ERCC6L2: variants seen among roughly 807,000 people sequenced by gnomAD.
ERCC6L2 encodes ERCC excision repair 6 like 2.
ERCC6L2 carries 77 observed loss-of-function variants against 132.0 expected under a neutral mutation model. That is an observed-to-expected ratio of 0.58 (90% CI 0.49 to 0.71). ERCC6L2 has a LOEUF of 0.71. ERCC6L2 is among the 30% of genes least tolerant of loss of function. The pLI, the probability that ERCC6L2 is intolerant of heterozygous loss-of-function variation, is 0.00. For synonymous variants in ERCC6L2, 583 were observed against 632.4 expected (o/e 0.92, Z 1.17); for missense variants, 1,542 against 1,837.6 (o/e 0.84, Z 2.94).
At chr9:95,886,559 T>G (rs1298395833) in intron 2 of ERCC6L2, among the ~76,000 whole-genome samples, 3 of 152,162 alleles carry the variant, frequency 2.0e-5, no homozygotes, top group Non-Finnish European at 4.4e-5. Flanking sequence ...AATAATACAG[T>G]TAATTAAAAG....
chr9:95,941,321 TCAC>T, intron 11 of ERCC6L2, 130 bp from the exon 12 acceptor site: 1 of 562,104 alleles, frequency 1.8e-6, no homozygotes. Context: ...TGTATTTTAA[TCAC>T]CACCTTACTT....
chr9:95,960,167 T>A (rs1299472143), intron 13 of ERCC6L2, among the ~76,000 whole-genome samples: 2 of 152,090 alleles, frequency 1.3e-5, no homozygotes, highest in Admixed American at 6.6e-5. Flanking sequence ...AGAAAGTCCC[T>A]CCTGTTGCCC....
At chr9:95,905,836 T>G (rs1177493861) in intron 3 of ERCC6L2, among the ~76,000 whole-genome samples, 1 of 152,216 alleles carries the variant, frequency 6.6e-6, no homozygotes, top group Non-Finnish European at 1.5e-5. Context: ...GAGCAGAATT[T>G]AGAGCAGTAT....
At chr9:95,929,076 G>T in intron 11 of ERCC6L2, 1 of 346,104 alleles carries the variant, frequency 2.9e-6, no homozygotes. Context: ...TAGAAGTCTG[G>T]GTTTATAAAG....
chr9:95,898,384 A>G (rs1251858739), intron 3 of ERCC6L2, among the ~76,000 whole-genome samples: 1 of 152,136 alleles, frequency 6.6e-6, no homozygotes, highest in East Asian at 1.9e-4. Context: ...TCATTGACTT[A>G]TTTCAAGTTG....
chr9:95,958,997 T>C (rs1587979196), intron 13 of ERCC6L2, among the ~76,000 whole-genome samples: 1 of 151,526 alleles, frequency 6.6e-6, no homozygotes, highest in South Asian at 2.1e-4. Context: ...AAGCTACCAA[T>C]GACTTTCTTC....
In ERCC6L2 at chr9:96,026,428, T is replaced by G. The variant is rs1317630950; in HGVS notation, c.*1504-12448T>G. Among the ~76,000 whole-genome samples the G allele has an allele frequency of 2.0e-5, 3 of 151,848 alleles. No homozygotes were observed. The East Asian group carries it at 5.8e-4, about 29-fold the overall frequency. ...CTCAGTGAGCCCCGGAGCGCCGCAG[T>G]GGGGCGGGGGTGGGGGAAGCGCGGG... On this transcript the variant is annotated intron_variant and NMD_transcript_variant, in intron 19 of 20. Transcript: ENST00000670016.
intron 19 of ERCC6L2, among the ~76,000 whole-genome samples, chr9:96,024,516 G>T (rs111347198): frequency 6.6e-6 from 1 of 152,210 alleles, no homozygotes; most frequent in Admixed American, 6.5e-5. Context: ...CCTCTCCAGC[G>T]GTCTCTTTCT....
rs1188823346 is a variant in ERCC6L2 at position 95,876,159 on chromosome 9, C to T, written c.46+75C>T. 5.6e-6 allele frequency: 8 copies of T among 1,433,266 alleles called. No individual in the cohort carries two copies. The East Asian group carries it at 1.0e-4, about 18-fold the overall frequency. 88.8% of individuals were successfully genotyped at this position (1,433,266 alleles called of 1,614,324 possible). A position where few individuals can be genotyped will look rare whatever the true frequency, so the allele number is the denominator to read the frequency against. Reference sequence around the variant, plus strand: ...CGTTGGACCAGTTCTTGCCGGTGCCCTTCGGGTTGGGGTTTTGCCCTGTAG... The same window carrying T: ...CGTTGGACCAGTTCTTGCCGGTGCCTTTCGGGTTGGGGTTTTGCCCTGTAG... On this transcript the variant is annotated intron_variant, in intron 1 of 18. Transcript: ENST00000653738.
chr9:95,949,430 GC>G (rs1374975275), intron 12 of ERCC6L2, among the ~76,000 whole-genome samples: 1 of 152,112 alleles, frequency 6.6e-6, no homozygotes, highest in Non-Finnish European at 1.5e-5. Context: ...CACAAAGAGA[GC>G]ATCTTGAAAG....
At chr9:95,929,743 C>T (rs550693877) in intron 11 of ERCC6L2, among the ~76,000 whole-genome samples, 27 of 152,238 alleles carry the variant, frequency 1.8e-4, no homozygotes, top group Non-Finnish European at 2.8e-4. Context: ...TTTTTTCATG[C>T]GTCCTTACAT....
chr9:95,907,845 A>ACACACACACACCCCCACACC (rs1829135944), intron 4 of ERCC6L2, among the ~76,000 whole-genome samples: 1 of 150,016 alleles, frequency 6.7e-6, no homozygotes, highest in Non-Finnish European at 1.5e-5. Flanking sequence ...ACACACACAC[A>ACACACACACACCCCCACACC]CACACACACA....
intron 2 of ERCC6L2, among the ~76,000 whole-genome samples, chr9:95,888,759 G>A (rs1828007765): frequency 6.6e-6 from 1 of 152,170 alleles, no homozygotes; most frequent in Non-Finnish European, 1.5e-5. Flanking sequence ...AATAAGGGTA[G>A]AAGTGATGAG....
chr9:95,991,225 G>A (rs1833289510), intron 17 of ERCC6L2, among the ~76,000 whole-genome samples: 1 of 152,130 alleles, frequency 6.6e-6, no homozygotes, highest in Non-Finnish European at 1.5e-5. Context: ...GAGCTTAAGG[G>A]TGGGGTTTAG....
Position 96,015,400 on chromosome 9 carries a change from C to T in ERCC6L2, c.*2197C>T, listed in dbSNP as rs1025802799. On this transcript the variant is annotated 3_prime_UTR_variant, in exon 19 of 19. Coordinates refer to ENST00000653738, the MANE Select transcript of ERCC6L2 (RefSeq NM_020207.7). ...ATGGGGTTTCACCATGTTGGCCAGGCTGGTCTCAATCTCCTGGCTGCAAGC... is the reference window on the plus strand; with the variant it reads ...ATGGGGTTTCACCATGTTGGCCAGGTTGGTCTCAATCTCCTGGCTGCAAGC... Among the ~76,000 whole-genome samples the T allele has an allele frequency of 1.3e-5, 2 of 151,804 alleles. No homozygotes were observed. The highest frequency in any genetic ancestry group is 2.9e-5 in the Non-Finnish European group (2 of 67,914).
chr9:95,893,756 C>T (rs1169121502), intron 2 of ERCC6L2, among the ~76,000 whole-genome samples: 1 of 151,878 alleles, frequency 6.6e-6, no homozygotes, highest in Admixed American at 6.5e-5. Context: ...TTTTTGTTTG[C>T]CTTTTCTCTA....
intron 17 of ERCC6L2, among the ~76,000 whole-genome samples, chr9:96,004,114 C>T (rs968601400): frequency 6.6e-6 from 1 of 152,094 alleles, no homozygotes; most frequent in Non-Finnish European, 1.5e-5. Flanking sequence ...TTACATGTCT[C>T]CATTAATGAA....
intron 11 of ERCC6L2, among the ~76,000 whole-genome samples, chr9:95,932,339 T>C (rs62562969): frequency 0.12 from 18,398 of 152,152 alleles, 1,243 homozygotes; most frequent in African/African-American, 0.16. Flanking sequence ...GCTGGGATTA[T>C]AGGTGTGAGC....
At chr9:96,026,509 C>A (rs1441006494) in intron 19 of ERCC6L2, among the ~76,000 whole-genome samples, 1 of 152,052 alleles carries the variant, frequency 6.6e-6, no homozygotes, top group Non-Finnish European at 1.5e-5. Flanking sequence ...ACAGGCCAGG[C>A]GGCTTCCGCA....
Sources: gnomAD v4.1 joint callset for allele counts (sites outside exome capture counted in the v4.1 genomes callset) on GRCh38, gnomAD v4.1.1 for gene constraint, MANE v1.5 for transcripts, NCBI Gene and HGNC (gene_info 2026-07-23, HGNC 2026-07-21) for gene names.